MARCHF3: variants seen among roughly 807,000 people sequenced by gnomAD.
MARCHF3 encodes the protein E3 ubiquitin-protein ligase MARCHF3.
Under a neutral mutation model 24.2 loss-of-function variants are expected in MARCHF3, and 13 were observed. The ratio of observed to expected loss-of-function variants is 0.54; its 90% CI spans 0.35 to 0.85. The LOEUF is 0.85. MARCHF3 is among the 40% of genes least tolerant of loss of function. The pLI, the probability that MARCHF3 is intolerant of heterozygous loss-of-function variation, is 0.01. For synonymous variants in MARCHF3, 144 were observed against 137.3 expected, an observed-to-expected ratio of 1.05 and a Z score of -0.34; for missense variants, 276 against 325.0, an observed-to-expected ratio of 0.85 and a Z score of 1.16.
At chr5:126,972,129 C>T (rs901524599) in intron 1 of MARCHF3, among the ~76,000 whole-genome samples, 2 of 151,680 alleles carry the variant, frequency 1.3e-5, no homozygotes, top group African/African-American at 2.4e-5. Flanking sequence ...CCAGTTATAC[C>T]ATTACTCTTG....
intron 1 of MARCHF3, among the ~76,000 whole-genome samples, chr5:126,954,595 T>C (rs993914547): frequency 4.0e-5 from 6 of 151,642 alleles, no homozygotes; most frequent in South Asian, 4.2e-4. Flanking sequence ...GGTCTCAAAC[T>C]TCTGCACTCA....
chr5:126,922,069 G>GGTAA (rs1749126826), intron 1 of MARCHF3, among the ~76,000 whole-genome samples: 1 of 152,250 alleles, frequency 6.6e-6, no homozygotes. Context: ...GGTTGCCACT[G>GGTAA]GTAAGTGATT....
Position 126,899,152 on chromosome 5 carries a change from G to C in MARCHF3, c.393+15778C>G, listed in dbSNP as rs374191736. 3 of 985,142 alleles carry C rather than the reference G, an allele frequency of 3.0e-6. No individual in the cohort carries two copies. In the African/African-American group the frequency reaches 5.3e-5, roughly 17 times the overall value. 61.0% of individuals were successfully genotyped at this position (985,142 alleles called of 1,614,324 possible). ...CGTTCCTATCTCTTCAAGAAAGGAG[G>C]CGGGCAGTGGTGAGGCACGCCACAG... On this transcript the variant is annotated intron_variant, in intron 3 of 4. Coordinates refer to ENST00000308660, the MANE Select transcript of MARCHF3 (RefSeq NM_178450.5).
chr5:126,872,917 C>T (rs1027375528), intron 4 of MARCHF3, among the ~76,000 whole-genome samples: 1 of 151,624 alleles, frequency 6.6e-6, no homozygotes, highest in Admixed American at 6.6e-5. Context: ...GTGCCACTCA[C>T]GAATGTAGGA....
rs960229769 is a variant in MARCHF3, at chr5:126,901,822, T to C, written c.393+13108A>G. On this transcript the variant is annotated intron_variant, in intron 3 of 4. Coordinates refer to ENST00000308660, the MANE Select transcript of MARCHF3 (RefSeq NM_178450.5). ...CAATTCCTGAGAGTTAATTGTGCCT[T>C]GTTATTTCAGCAGGACTTAGGATGA... is the stretch of plus-strand genomic sequence containing the variant. Among the ~76,000 whole-genome samples the C allele has an allele frequency of 3.3e-5, 5 of 152,078 alleles. 1 individual carries two copies. Among genetic ancestry groups the C allele is most frequent in the Admixed American group, 1.3e-4 (2 of 15,224 alleles).
At chr5:126,969,999 G>A (rs1750946676) in intron 1 of MARCHF3, among the ~76,000 whole-genome samples, 1 of 152,150 alleles carries the variant, frequency 6.6e-6, no homozygotes, top group Non-Finnish European at 1.5e-5. Context: ...GAGGCTGTAA[G>A]TATCCCAATT....
rs372276959 is a variant in MARCHF3 at position 126,896,119 on chromosome 5, C to G, written c.394-17725G>C. On this transcript the variant is annotated intron_variant, in intron 3 of 4. Coordinates refer to ENST00000308660, the MANE Select transcript of MARCHF3 (RefSeq NM_178450.5). ...TTCTTTGACTCAGAAAGGGAACTCC[C>G]TGACCCCTTGCGCTTCCCAAGTGAG... 1.0e-3 allele frequency among the ~76,000 whole-genome samples: 156 copies of G among 152,324 alleles called. 1 individual carries two copies. In the East Asian group the frequency reaches 0.026, roughly 26 times the overall value.
intron 1 of MARCHF3, among the ~76,000 whole-genome samples, chr5:126,928,071 T>C (rs1749354379): frequency 6.6e-6 from 1 of 152,174 alleles, no homozygotes; most frequent in East Asian, 1.9e-4. Flanking sequence ...TTTTCCATCT[T>C]CTAAGTACTT....
intron 3 of MARCHF3, among the ~76,000 whole-genome samples, chr5:126,901,664 T>C (rs565625606): frequency 2.0e-5 from 3 of 152,264 alleles, no homozygotes; most frequent in Middle Eastern, 3.4e-3. Flanking sequence ...AAGATGCTTG[T>C]GGAGGGCTGG....
chr5:126,953,511 T>C (rs963957400), intron 1 of MARCHF3, among the ~76,000 whole-genome samples: 6 of 152,238 alleles, frequency 3.9e-5, no homozygotes, highest in South Asian at 2.1e-4. Flanking sequence ...TGCTTTTATA[T>C]TGATGAATGG....
chr5:126,889,517 C>A (rs1216814543), intron 3 of MARCHF3, among the ~76,000 whole-genome samples: 2 of 151,840 alleles, frequency 1.3e-5, no homozygotes, highest in African/African-American at 2.4e-5. Flanking sequence ...CAAGGAAATA[C>A]AATGCACACG....
intron 3 of MARCHF3, among the ~76,000 whole-genome samples, chr5:126,909,135 G>T (rs1224085783): frequency 2.0e-5 from 3 of 152,224 alleles, no homozygotes; most frequent in African/African-American, 7.2e-5. Flanking sequence ...GCTGCTCGGG[G>T]GTCAGGGGTC....
chr5:126,966,354 A>AT (rs1297586733), intron 1 of MARCHF3, among the ~76,000 whole-genome samples: 1 of 152,158 alleles, frequency 6.6e-6, no homozygotes, highest in Non-Finnish European at 1.5e-5. Context: ...AATAAAGTTG[A>AT]TTTTTTAAAA....
chr5:126,947,501 C>T (rs1750070939), intron 1 of MARCHF3, among the ~76,000 whole-genome samples: 4 of 152,162 alleles, frequency 2.6e-5, no homozygotes, highest in African/African-American at 9.7e-5. Context: ...TGTCATTATA[C>T]ATTTGTCCAA....
chr5:126,986,673 G>T (rs1751576946), intron 1 of MARCHF3, among the ~76,000 whole-genome samples: 2 of 152,058 alleles, frequency 1.3e-5, no homozygotes, highest in Admixed American at 6.5e-5. Flanking sequence ...AATATGTAAG[G>T]CAAATAAATT....
chr5:127,000,813 C>G (rs911650958), intron 1 of MARCHF3, among the ~76,000 whole-genome samples: 2 of 151,970 alleles, frequency 1.3e-5, no homozygotes, highest in African/African-American at 4.8e-5. Context: ...ACTACAGGCG[C>G]CCGCCACCAC....
intron 4 of MARCHF3, among the ~76,000 whole-genome samples, chr5:126,874,829 C>T (rs574702168): frequency 2.0e-4 from 30 of 152,088 alleles, no homozygotes; most frequent in African/African-American, 6.5e-4. Flanking sequence ...GCTTGTAGGC[C>T]GTGTGGGGGA....
At chr5:126,896,527 T>A (rs80247087) in intron 3 of MARCHF3, among the ~76,000 whole-genome samples, 3,107 of 152,180 alleles carry the variant, frequency 0.02, 80 homozygotes, top group South Asian at 0.11. Context: ...ATGCAACCCC[T>A]AGGTGTCCCT....
At chr5:126,992,403 T>C (rs755731583) in intron 1 of MARCHF3, among the ~76,000 whole-genome samples, 2 of 152,216 alleles carry the variant, frequency 1.3e-5, no homozygotes, top group Non-Finnish European at 2.9e-5. Context: ...CTGTGACTTA[T>C]AGGCAGGCAT....
Sources: gnomAD v4.1 joint callset for allele counts (sites outside exome capture counted in the v4.1 genomes callset) on GRCh38, gnomAD v4.1.1 for gene constraint, MANE v1.5 for transcripts, NCBI Gene and HGNC (gene_info 2026-07-23, HGNC 2026-07-21) for gene names.